The following ERBB4 variants were observed in gnomAD, a reference collection of about 807,000 sequenced individuals.
The protein encoded by ERBB4 is erb-b2 receptor tyrosine kinase 4, also known as receptor tyrosine-protein kinase erbB-4.
ERBB4 carries 42 observed loss-of-function variants against 158.0 expected under a neutral mutation model. The observed-to-expected ratio is 0.27, with a 90% CI of 0.21 to 0.34. ERBB4 has a LOEUF of 0.34. Among genes scored for constraint, ERBB4 ranks in the 10% least tolerant of loss-of-function variants. The probability of loss-of-function intolerance (pLI) is 1.00; values close to 1 mark genes in which losing one functional copy is unlikely to be tolerated. For synonymous variants in ERBB4, 583 were observed against 558.7 expected, an observed-to-expected ratio of 1.04 and a Z score of -0.61; for missense variants, 1,333 against 1,624.1, an observed-to-expected ratio of 0.82 and a Z score of 3.08.
At chr2:211,625,577 CAT>C (rs1198482313) in intron 17 of ERBB4, among the ~76,000 whole-genome samples, 2 of 152,096 alleles carry the variant, frequency 1.3e-5, no homozygotes, top group Non-Finnish European at 2.9e-5. Flanking sequence ...AATTTGATAA[CAT>C]AGAACTGCAT....
intron 14 of ERBB4, among the ~76,000 whole-genome samples, chr2:211,671,081 A>T (rs1352248224): frequency 6.6e-6 from 1 of 152,182 alleles, no homozygotes; most frequent in Non-Finnish European, 1.5e-5. Context: ...GGATTAGGTG[A>T]ACTAAAAGTA....
chr2:211,585,786 A>C (rs921386618), intron 19 of ERBB4, among the ~76,000 whole-genome samples: 1 of 152,162 alleles, frequency 6.6e-6, no homozygotes, highest in African/African-American at 2.4e-5. Flanking sequence ...CAGACTGTCT[A>C]TTCTCAATGC....
chr2:211,635,006 C>T (rs902748614), intron 16 of ERBB4, among the ~76,000 whole-genome samples: 2 of 152,012 alleles, frequency 1.3e-5, no homozygotes, highest in Non-Finnish European at 2.9e-5. Context: ...TCAGCGGAAG[C>T]GATAAGAGGC....
At chr2:211,507,881 A>C (rs923992104) in intron 20 of ERBB4, among the ~76,000 whole-genome samples, 13 of 152,238 alleles carry the variant, frequency 8.5e-5, no homozygotes, top group African/African-American at 2.6e-4. Context: ...CAAGCAATGG[A>C]GAAAGGATTC....
At chr2:212,444,101 C>T (rs1186261572) in intron 1 of ERBB4, among the ~76,000 whole-genome samples, 1 of 152,180 alleles carries the variant, frequency 6.6e-6, no homozygotes, top group Non-Finnish European at 1.5e-5. Flanking sequence ...TCCACTCCTG[C>T]TACCCTCCTC....
chr2:212,343,292 A>C (rs2088812141), intron 1 of ERBB4, among the ~76,000 whole-genome samples: 1 of 152,178 alleles, frequency 6.6e-6, no homozygotes, highest in African/African-American at 2.4e-5. Context: ...TCATGTGAAA[A>C]TGAAGTCAAT....
At chr2:211,645,347 A>C (rs1445707810) in intron 16 of ERBB4, among the ~76,000 whole-genome samples, 1 of 151,756 alleles carries the variant, frequency 6.6e-6, no homozygotes, top group African/African-American at 2.4e-5. Context: ...AGGCATTGCT[A>C]TGACTAAGTT....
chr2:211,993,201 C>T (rs181632695), intron 2 of ERBB4, among the ~76,000 whole-genome samples: 2 of 152,072 alleles, frequency 1.3e-5, no homozygotes, highest in Admixed American at 6.6e-5. Context: ...GAGGTAATTA[C>T]GGTTAAATGA....
rs183786917 is a variant in ERBB4, at chr2:212,337,663, C to A, written c.82+200786G>T. ...TGTGCATTTTGGCAAATACCTCTCG[C>A]ATATCTAATGCAATCTGAGTTGGGG... On this transcript the variant is annotated intron_variant, in intron 1 of 27. Transcript: ENST00000342788. Among the ~76,000 whole-genome samples the A allele has an allele frequency of 2.0e-5, 3 of 152,224 alleles. No homozygotes were observed. The East Asian group carries it at 5.8e-4, about 29-fold the overall frequency.
intron 3 of ERBB4, among the ~76,000 whole-genome samples, chr2:211,822,763 A>G (rs774602279): frequency 1.3e-5 from 2 of 152,020 alleles, no homozygotes; most frequent in African/African-American, 4.8e-5. Context: ...ACTGTGGTAA[A>G]TCGAATCATT....
At chr2:211,732,072 C>T (rs1048565266) in intron 5 of ERBB4, among the ~76,000 whole-genome samples, 21 of 151,794 alleles carry the variant, frequency 1.4e-4, no homozygotes, top group African/African-American at 5.1e-4. Flanking sequence ...CCAATATTTC[C>T]AAACTTCTGC....
At chr2:212,110,187 T>G (rs2079360952) in intron 2 of ERBB4, among the ~76,000 whole-genome samples, 1 of 152,184 alleles carries the variant, frequency 6.6e-6, no homozygotes, top group Non-Finnish European at 1.5e-5. Flanking sequence ...GGTGAAGCTA[T>G]CCCACTCAAA....
At chr2:211,917,810 C>A (rs72933756) in intron 3 of ERBB4, among the ~76,000 whole-genome samples, 3,219 of 152,214 alleles carry the variant, frequency 0.021, 76 homozygotes, top group African/African-American at 0.06. Flanking sequence ...CTGAACTGAG[C>A]ATTCACTGAA....
chr2:211,978,302 CCAAA>C (rs1244779596), intron 2 of ERBB4, among the ~76,000 whole-genome samples: 1 of 151,906 alleles, frequency 6.6e-6, no homozygotes, highest in Non-Finnish European at 1.5e-5. Flanking sequence ...TAGCAAACAG[CCAAA>C]CACAGACAAC....
intron 16 of ERBB4, among the ~76,000 whole-genome samples, chr2:211,655,798 A>C (rs1260091855): frequency 1.3e-5 from 2 of 152,128 alleles, no homozygotes; most frequent in Non-Finnish European, 2.9e-5. Flanking sequence ...TTTTTTCATA[A>C]TTTTACCTTG....
chr2:212,192,708 T>C (rs1489460838), intron 1 of ERBB4, among the ~76,000 whole-genome samples: 3 of 152,148 alleles, frequency 2.0e-5, no homozygotes, highest in East Asian at 1.9e-4. Context: ...AGGAGTCATA[T>C]ACTATACTCA....
chr2:211,753,415 T>C (rs1413211739), intron 4 of ERBB4, among the ~76,000 whole-genome samples: 1 of 152,178 alleles, frequency 6.6e-6, no homozygotes, highest in Non-Finnish European at 1.5e-5. Context: ...AATATTAAAC[T>C]GAAACAGAGA....
At chr2:211,474,616 T>C (rs765265729) in intron 20 of ERBB4, among the ~76,000 whole-genome samples, 1 of 152,110 alleles carries the variant, frequency 6.6e-6, no homozygotes, top group African/African-American at 2.4e-5. Context: ...GGAAAGACAA[T>C]GTATTCAATT....
intron 9 of ERBB4, among the ~76,000 whole-genome samples, chr2:211,708,001 T>C (rs1274658804): frequency 6.6e-6 from 1 of 152,168 alleles, no homozygotes; most frequent in African/African-American, 2.4e-5. Context: ...TTATGGGTAA[T>C]GGAAATTGAG....
Sources: allele counts gnomAD v4.1 joint callset (sites outside exome capture counted in the v4.1 genomes callset), GRCh38; gene constraint gnomAD v4.1.1; transcripts MANE v1.5; gene names NCBI Gene and HGNC (gene_info 2026-07-23, HGNC 2026-07-21).